Variants in DYNC2H1 observed in about 807,000 individuals in gnomAD.
The protein encoded by DYNC2H1 is cytoplasmic dynein 2 heavy chain 1.
DYNC2H1 carries 410 observed loss-of-function variants against 570.0 expected under a neutral mutation model. The observed-to-expected ratio is 0.72, with a 90% CI of 0.66 to 0.78. The LOEUF (loss-of-function observed/expected upper bound fraction) is 0.78. DYNC2H1 is among the 30% of genes least tolerant of loss of function. DYNC2H1 has a pLI of 0.00. For missense variants in DYNC2H1, 4,865 were observed against 5,046.4 expected, an observed-to-expected ratio of 0.96 and a Z score of 1.09; for synonymous variants, 1,688 against 1,677.6, an observed-to-expected ratio of 1.01 and a Z score of -0.15.
intron 60 of DYNC2H1, among the ~76,000 whole-genome samples, chr11:103,232,625 C>T (rs955428431): frequency 2.0e-5 from 3 of 151,928 alleles, no homozygotes; most frequent in Non-Finnish European, 4.4e-5. Flanking sequence ...TTTTCTTATA[C>T]ATCAACAAAG....
chr11:103,188,122 CTT>C (rs1481174566), intron 43 of DYNC2H1, among the ~76,000 whole-genome samples: 2 of 151,758 alleles, frequency 1.3e-5, no homozygotes, highest in African/African-American at 2.4e-5. Flanking sequence ...CAATTTTAGG[CTT>C]ATTATGTAAC....
chr11:103,281,061 G>T (rs935597273), intron 71 of DYNC2H1, among the ~76,000 whole-genome samples: 22 of 152,018 alleles, frequency 1.4e-4, no homozygotes, highest in Admixed American at 1.4e-3. Context: ...TGAGATTCCA[G>T]TAGCCAGGGT....
At chr11:103,219,308 C>G (rs1057344571) in intron 55 of DYNC2H1, among the ~76,000 whole-genome samples, 9 of 152,132 alleles carry the variant, frequency 5.9e-5, no homozygotes, top group Middle Eastern at 3.2e-3. Context: ...AAATTAAAAT[C>G]ATACCTTGAA....
intron 84 of DYNC2H1, chr11:103,407,366 A>C: frequency 6.6e-6 from 1 of 151,250 alleles, no homozygotes; most frequent in East Asian, 1.9e-4. Context: ...GGGTAGGTTC[A>C]ATTCCTATAG....
Position 103,264,315 on chromosome 11 carries a change from A to G in DYNC2H1, c.10695+4338A>G, listed in dbSNP as rs563022517. On this transcript the variant is annotated intron_variant, in intron 70 of 88. Transcript: ENST00000375735. This position sits in a 1 kb window ranked among gnomAD's most constrained non-coding sequence, Gnocchi z 4.8. ...GTACCATTCCTTCTGAAACTATTCC[A>G]TGCAATAGAAAAAGAGGGACCCCTA... Among the ~76,000 whole-genome samples the G allele has an allele frequency of 2.0e-5, 3 of 152,194 alleles. No individual in the cohort carries two copies. The highest frequency in any genetic ancestry group is 4.4e-5 in the Non-Finnish European group (3 of 68,036).
chr11:103,210,991 A>G (rs1368156530), intron 53 of DYNC2H1, among the ~76,000 whole-genome samples: 1 of 152,068 alleles, frequency 6.6e-6, no homozygotes, highest in African/African-American at 2.4e-5. Flanking sequence ...CAGTTATTGG[A>G]AAATAGATTG....
intron 20 of DYNC2H1, among the ~76,000 whole-genome samples, chr11:103,150,259 A>G (rs1860469783): frequency 1.3e-5 from 2 of 152,192 alleles, no homozygotes; most frequent in African/African-American, 4.8e-5. Flanking sequence ...GACATTTTGA[A>G]GTGATGACTC....
In DYNC2H1 at chr11:103,211,888, C is replaced by G; in HGVS notation, c.8639C>G (p.Ser2880Cys). ...SRYMTFLHVYSAISSSKKKEL... is the reference protein window; with the variant it reads ...SRYMTFLHVYCAISSSKKKEL... Reference sequence around the variant, plus strand: ...TACATGACCTTTTTACATGTGTATTCTGCCATTAGTAGTAGCAAGAAAAAG... The same window carrying G: ...TACATGACCTTTTTACATGTGTATTGTGCCATTAGTAGTAGCAAGAAAAAG... Residue 2880 changes from serine (S) to cysteine (C), a missense_variant, in exon 54 of 89, where the codon TCT becomes TGT. Physicochemically the swap from Ser to Cys is moderately radical, Grantham distance 112. Coordinates refer to ENST00000375735, the MANE Select transcript of DYNC2H1 (RefSeq NM_001377.3). The G allele has an allele frequency of 6.5e-7, 1 of 1,535,976 alleles. No individual in the cohort carries two copies. Among genetic ancestry groups the G allele is most frequent in the East Asian group, 2.4e-5 (1 of 41,282 alleles).
chr11:103,432,515 A>G (rs1394643850), intron 84 of DYNC2H1, among the ~76,000 whole-genome samples: 1 of 152,108 alleles, frequency 6.6e-6, no homozygotes, highest in Non-Finnish European at 1.5e-5. Flanking sequence ...TCCTAGGCCA[A>G]ATGTGTTGTT....
chr11:103,148,338 G>A (rs1264251382), intron 19 of DYNC2H1, among the ~76,000 whole-genome samples, 152 bp from the exon 20 acceptor site: 1 of 152,094 alleles, frequency 6.6e-6, no homozygotes, highest in Non-Finnish European at 1.5e-5. Context: ...TCCACATCTT[G>A]AAATTTTGTT....
At chr11:103,434,245 G>A (rs1224448766) in intron 84 of DYNC2H1, among the ~76,000 whole-genome samples, 4 of 151,988 alleles carry the variant, frequency 2.6e-5, no homozygotes, top group South Asian at 4.1e-4. Context: ...TTCTGAAACT[G>A]GGAGTTTGCT....
chr11:103,150,686 T>C (rs1181160962), intron 20 of DYNC2H1, among the ~76,000 whole-genome samples: 1 of 152,170 alleles, frequency 6.6e-6, no homozygotes, highest in East Asian at 1.9e-4. Flanking sequence ...TTAGACCAAC[T>C]GGTAGATAAT....
At chr11:103,466,682 A>C (rs1945205218) in intron 87 of DYNC2H1, among the ~76,000 whole-genome samples, 1 of 152,220 alleles carries the variant, frequency 6.6e-6, no homozygotes, top group Non-Finnish European at 1.5e-5. Flanking sequence ...ACTAGTAACT[A>C]GGAAATGAAA....
At chr11:103,425,574 C>T (rs374568959) in intron 84 of DYNC2H1, among the ~76,000 whole-genome samples, 39 of 151,970 alleles carry the variant, frequency 2.6e-4, no homozygotes, top group African/African-American at 6.8e-4. Flanking sequence ...TTCAACAAGA[C>T]GTCTGAGGGG....
At chr11:103,120,324 G>GT (rs1243238741) in intron 6 of DYNC2H1, 123 bp from the exon 7 acceptor site, 2 of 930,546 alleles carry the variant, frequency 2.1e-6, no homozygotes, top group South Asian at 2.3e-5. Context: ...AGTTTTATTG[G>GT]TTTTTTCTTT....
chr11:103,281,306 T>C (rs1425419383), intron 71 of DYNC2H1, among the ~76,000 whole-genome samples: 3 of 152,116 alleles, frequency 2.0e-5, no homozygotes, highest in African/African-American at 4.8e-5. Flanking sequence ...TTTGATTTCT[T>C]TTCCTCCTCT....
intron 80 of DYNC2H1, among the ~76,000 whole-genome samples, chr11:103,317,225 T>G (rs1241942814): frequency 6.6e-6 from 1 of 151,912 alleles, no homozygotes; most frequent in Non-Finnish European, 1.5e-5. Flanking sequence ...CAAACAAATC[T>G]CTCAATTCCT....
chr11:103,207,983 G>C (rs367969955), intron 52 of DYNC2H1, among the ~76,000 whole-genome samples: 3 of 152,274 alleles, frequency 2.0e-5, no homozygotes, highest in East Asian at 1.9e-4. Flanking sequence ...TTGGTAGATA[G>C]TAGGTTTCAG....
chr11:103,233,876 GTGGGTT>G lies in DYNC2H1; in HGVS notation c.9441-155_9441-150del, dbSNP rs1297930154. Among the ~76,000 whole-genome samples, 175 of 54,182 alleles carry G rather than the reference GTGGGTT, an allele frequency of 3.2e-3. 2 individuals carry two copies. The highest frequency in any genetic ancestry group is 0.011 in the African/African-American group (162 of 14,676). 35.5% of individuals were successfully genotyped at this position (54,182 alleles called of 152,430 possible). ...TGTGTGTGTGTGTGTGTGTGTGTGT[GTGGGTT>G]TGTCTCTTCTATTAATGATACTTTG... On this transcript the variant is annotated intron_variant, in intron 60 of 88. Coordinates refer to ENST00000375735, the MANE Select transcript of DYNC2H1 (RefSeq NM_001377.3).
Sources: gnomAD v4.1 joint callset for allele counts (sites outside exome capture counted in the v4.1 genomes callset) on GRCh38, gnomAD v4.1.1 for gene constraint, Gnocchi (gnomAD v3.1) non-coding constraint, MANE v1.5 for transcripts, NCBI Gene and HGNC (gene_info 2026-07-23, HGNC 2026-07-21) for gene names.